DEPDC7: variants seen among roughly 807,000 people sequenced by gnomAD.
DEPDC7 encodes DEP domain containing 7.
In DEPDC7, 41 loss-of-function variants were observed where a neutral mutation model predicts 56.6. The ratio of observed to expected loss-of-function variants is 0.72; its 90% CI spans 0.56 to 0.94. The LOEUF (loss-of-function observed/expected upper bound fraction) is 0.94. Ranked by LOEUF, DEPDC7 falls within the 40% of genes least tolerant of loss-of-function variation. The pLI, the probability that DEPDC7 is intolerant of heterozygous loss-of-function variation, is 0.00. For missense variants in DEPDC7, 522 were observed against 596.3 expected (o/e 0.88, Z 1.30); for synonymous variants, 185 against 208.8 (o/e 0.89, Z 0.98).
At chr11:33,022,674 G>A (rs1284631617) in intron 1 of DEPDC7, among the ~76,000 whole-genome samples, 1 of 152,134 alleles carries the variant, frequency 6.6e-6, no homozygotes, top group Non-Finnish European at 1.5e-5. Context: ...ACAATGTTTA[G>A]GCATTGTGGC....
In DEPDC7 at chr11:33,027,784, T is replaced by A. The variant is rs748664103; in HGVS notation, c.563T>A (p.Val188Glu). The A allele has an allele frequency of 1.3e-6, 2 of 1,577,372 alleles. No individual in the cohort carries two copies. Among genetic ancestry groups the A allele is most frequent in the Non-Finnish European group, 1.7e-6 (2 of 1,165,902 alleles). ...LSLKPANSPH[V>E]NISATLSPQV... ...TTAAAGCCTGCCAACTCCCCTCATG[T>A]AAATATCTCTGCAACCTTGTCTCCA... Residue 188 changes from valine to glutamate, a missense_variant, in exon 3 of 9, where the codon GTA (valine) becomes GAA (glutamate). Coordinates refer to ENST00000241051, the MANE Select transcript of DEPDC7 (RefSeq NM_001077242.2).
intron 1 of DEPDC7, chr11:33,016,361 C>A: frequency 7.0e-7 from 1 of 1,424,316 alleles, no homozygotes. Context: ...ATATGCTCCG[C>A]GGTGCTACCG....
rs1380301490 is a variant in DEPDC7, at chr11:33,025,818, A to C, written c.233A>C (p.His78Pro). ...GAAGCTGTGGATGTCATTTTTTCTC[A>C]CCTAATTCAGAATAAGTATTTTGGT... is the stretch of plus-strand genomic sequence containing the variant. ...GSEAVDVIFS[H>P]LIQNKYFGDV... Residue 78 changes from histidine (H) to proline (P), a missense_variant, in exon 2 of 9, where the codon CAC becomes CCC. Physicochemically the swap from His to Pro is moderately conservative, Grantham distance 77. Transcript: ENST00000241051. 6.2e-7 allele frequency: 1 copy of C among 1,614,142 alleles called. No individual in the cohort carries two copies. Among genetic ancestry groups the C allele is most frequent in the Non-Finnish European group, 8.5e-7 (1 of 1,180,008 alleles).
intron 4 of DEPDC7, among the ~76,000 whole-genome samples, chr11:33,030,275 T>C (rs543867880): frequency 6.6e-6 from 1 of 152,172 alleles, no homozygotes; most frequent in East Asian, 1.9e-4. Flanking sequence ...TAGTAATTTT[T>C]ATATACAAAA....
chr11:33,025,433 A>G (rs1047038350), intron 1 of DEPDC7, among the ~76,000 whole-genome samples: 1 of 152,108 alleles, frequency 6.6e-6, no homozygotes, highest in South Asian at 2.1e-4. Context: ...CAGGAATCTT[A>G]TTTTGCTTAC....
chr11:33,033,139 C>T, intron 8 of DEPDC7, 123 bp from the exon 9 acceptor site: 1 of 886,332 alleles, frequency 1.1e-6, no homozygotes, highest in Non-Finnish European at 1.7e-6. Context: ...GCAGTGCTTA[C>T]CATCTTCAGT....
chr11:33,027,882 T>G, intron 3 of DEPDC7, 69 bp downstream of exon 3: 1 of 1,391,838 alleles, frequency 7.2e-7, no homozygotes, highest in South Asian at 1.5e-5. Flanking sequence ...TTTTTTAATC[T>G]TAATCTTTAT....
At chr11:33,024,396 T>A (rs1853553342) in intron 1 of DEPDC7, among the ~76,000 whole-genome samples, 1 of 152,186 alleles carries the variant, frequency 6.6e-6, no homozygotes, top group African/African-American at 2.4e-5. Flanking sequence ...TTTAAAAATA[T>A]TAGTTTATTC....
At chr11:33,025,368 A>C (rs1324446361) in intron 1 of DEPDC7, among the ~76,000 whole-genome samples, 2 of 152,146 alleles carry the variant, frequency 1.3e-5, no homozygotes, top group African/African-American at 2.4e-5. Context: ...CTCAGCATTG[A>C]TCTAACACGT....
At position 33,032,871 on chromosome 11, in the gene DEPDC7, T is replaced by C. The variant is rs1259438440; in HGVS notation, c.1264-18T>C. ...AAATGCATTTGAATAATGTCCCATGTCCCTTCTTTTTCTTAAGATTCCTGG... is the reference window on the plus strand; with the variant it reads ...AAATGCATTTGAATAATGTCCCATGCCCCTTCTTTTTCTTAAGATTCCTGG... On this transcript the variant is annotated intron_variant, in intron 7 of 8. Transcript: ENST00000241051. 4 of 1,592,082 alleles carry C rather than the reference T, an allele frequency of 2.5e-6. No individual in the cohort carries two copies. Among genetic ancestry groups the C allele is most frequent in the Non-Finnish European group, 3.4e-6 (4 of 1,169,216 alleles).
intron 4 of DEPDC7, 31 bp from the exon 5 acceptor site, chr11:33,031,347 C>A (rs56308649): frequency 4.9e-5 from 75 of 1,544,634 alleles, no homozygotes; most frequent in Non-Finnish European, 6.3e-5. Context: ...CTTCCCTTGC[C>A]TTTTAAATAA....
rs369053359 is a variant in DEPDC7, at chr11:33,025,763, A to C, written c.178A>C (p.Lys60Gln). 1 of 1,614,230 alleles carries C rather than the reference A, an allele frequency of 6.2e-7. No homozygotes were observed. Among genetic ancestry groups the C allele is most frequent in the Non-Finnish European group, 8.5e-7 (1 of 1,180,040 alleles). ...AGTGAAAAAACGAAGGCACCGTTTA[A>C]AACGACATAATGACTGCTTTGTTGG... is the stretch of plus-strand genomic sequence containing the variant. ...VEVKKRRHRL[K>Q]RHNDCFVGSE... Residue 60 changes from lysine to glutamine, a missense_variant, in exon 2 of 9, where the codon AAA becomes CAA. Physicochemically the swap from Lys to Gln is moderately conservative, Grantham distance 53. Transcript: ENST00000241051.
chr11:33,016,249 C>T (rs1853459174), intron 1 of DEPDC7: 1 of 1,336,638 alleles, frequency 7.5e-7, no homozygotes, highest in Non-Finnish European at 9.5e-7. Flanking sequence ...CAGAGCCCGC[C>T]CGCACAGCCC....
At chr11:33,018,334 CT>C (rs1853486168) in intron 1 of DEPDC7, among the ~76,000 whole-genome samples, 1 of 152,082 alleles carries the variant, frequency 6.6e-6, no homozygotes, top group South Asian at 2.1e-4. Context: ...AACAAATGTC[CT>C]TTTTCTTTGT....
At chr11:33,028,153 T>C (rs1475293872) in intron 3 of DEPDC7, 1 of 204,074 alleles carries the variant, frequency 4.9e-6, no homozygotes, top group Non-Finnish European at 9.6e-6. Context: ...CATTAAAACA[T>C]TAACAGAATT....
intron 1 of DEPDC7, among the ~76,000 whole-genome samples, chr11:33,020,206 A>G (rs981541703): frequency 2.0e-5 from 3 of 151,606 alleles, no homozygotes; most frequent in Non-Finnish European, 4.4e-5. Flanking sequence ...TTAGGGAATT[A>G]TTATGACTCA....
In DEPDC7 at chr11:33,033,575, T is replaced by G. The variant is rs1272286730; in HGVS notation, c.*120T>G. The G allele has an allele frequency of 3.0e-6, 2 of 674,982 alleles. No individual in the cohort carries two copies. Among genetic ancestry groups the G allele is most frequent in the Non-Finnish European group, 4.7e-6 (2 of 423,856 alleles). 41.8% of individuals were successfully genotyped at this position (674,982 alleles called of 1,614,324 possible). ...GAAACTGTACTTAATAAAAATTTTTTTGTATAACTTCGTGTGTCAGAAGCT... is the reference window on the plus strand; with the variant it reads ...GAAACTGTACTTAATAAAAATTTTTGTGTATAACTTCGTGTGTCAGAAGCT... On this transcript the variant is annotated 3_prime_UTR_variant, in exon 9 of 9. Coordinates refer to ENST00000241051, the MANE Select transcript of DEPDC7 (RefSeq NM_001077242.2).
intron 3 of DEPDC7, 30 bp downstream of exon 3, chr11:33,027,843 T>C: frequency 2.0e-6 from 3 of 1,495,028 alleles, no homozygotes; most frequent in Non-Finnish European, 2.7e-6. Flanking sequence ...AAGTAAGAAG[T>C]AGAAGACAAA....
intron 5 of DEPDC7, 43 bp from the exon 6 acceptor site, chr11:33,032,293 C>T: frequency 6.6e-7 from 1 of 1,519,514 alleles, no homozygotes; most frequent in Admixed American, 2.5e-5. Flanking sequence ...TTAATATAGT[C>T]ATATTTGGTC....
Sources: gnomAD v4.1 joint callset for allele counts (sites outside exome capture counted in the v4.1 genomes callset) on GRCh38, gnomAD v4.1.1 for gene constraint, MANE v1.5 for transcripts, NCBI Gene and HGNC (gene_info 2026-07-23, HGNC 2026-07-21) for gene names.